Variants in MTCL2 observed in about 807,000 individuals in gnomAD.
MTCL2 encodes the protein microtubule crosslinking factor 2, also known as microtubule cross-linking factor 2.
chr20:36,858,463 A>AACAC, the MTCL2 span, among the ~76,000 whole-genome samples: 10 of 25,778 alleles, frequency 3.9e-4, no homozygotes, highest in Admixed American at 1.4e-3. Flanking sequence ...AAGGAGGGAA[A>AACAC]ACACACACAC....
the MTCL2 span, among the ~76,000 whole-genome samples, chr20:36,827,682 A>C: frequency 1.3e-5 from 2 of 152,042 alleles, no homozygotes; most frequent in Admixed American, 6.6e-5. Flanking sequence ...AGAAACTGAG[A>C]CTTAGAGAGG....
the MTCL2 span, chr20:36,859,970 A>C: frequency 8.5e-7 from 1 of 1,182,632 alleles, no homozygotes; most frequent in Non-Finnish European, 1.1e-6. Context: ...GGAATAAACA[A>C]CACAACACCT....
chr20:36,862,903 C>A, the MTCL2 span: 1 of 1,265,610 alleles, frequency 7.9e-7, no homozygotes, highest in South Asian at 2.2e-5. Context: ...GGGCCCCCGG[C>A]CGCGGACTCG....
chr20:36,856,103 C>T, the MTCL2 span, among the ~76,000 whole-genome samples: 1 of 152,222 alleles, frequency 6.6e-6, no homozygotes, highest in Non-Finnish European at 1.5e-5. Context: ...TCCCTGCCAG[C>T]TCCCACCACT....
At chr20:36,856,141 T>C in the MTCL2 span, among the ~76,000 whole-genome samples, 1 of 152,214 alleles carries the variant, frequency 6.6e-6, no homozygotes, top group Admixed American at 6.5e-5. Flanking sequence ...TTCAAGCCTG[T>C]GGTCCACCTC....
the MTCL2 span, chr20:36,863,005 G>A: frequency 7.1e-7 from 1 of 1,402,784 alleles, no homozygotes; most frequent in African/African-American, 1.5e-5. The surrounding 1 kb of genome is among the most constrained non-coding windows in gnomAD (Gnocchi z 6.2). Context: ...GTGAGGCTGG[G>A]GGGCGGCGGT....
the MTCL2 span, chr20:36,796,801 G>A: frequency 7.2e-7 from 1 of 1,380,274 alleles, no homozygotes; most frequent in Non-Finnish European, 1.0e-6. Context: ...TAGAGTGGGT[G>A]CAGGGCGCAG....
the MTCL2 span, among the ~76,000 whole-genome samples, chr20:36,837,299 G>C: frequency 6.6e-6 from 1 of 152,150 alleles, no homozygotes; most frequent in East Asian, 1.9e-4. Context: ...CAGAGCTTCC[G>C]AAGACAGGCA....
At chr20:36,826,487 C>A in the MTCL2 span, among the ~76,000 whole-genome samples, 1 of 149,910 alleles carries the variant, frequency 6.7e-6, no homozygotes, top group South Asian at 2.1e-4. Context: ...AAGTGATCCT[C>A]CCACCTCAAC....
the MTCL2 span, among the ~76,000 whole-genome samples, chr20:36,826,592 G>C: frequency 6.6e-6 from 1 of 151,484 alleles, no homozygotes; most frequent in Non-Finnish European, 1.5e-5. Flanking sequence ...TGCTCAGGCT[G>C]GTCTTGAACT....
chr20:36,782,590 A>G, the MTCL2 span: 1 of 152,282 alleles, frequency 6.6e-6, no homozygotes, highest in South Asian at 2.1e-4. Flanking sequence ...GCTGGAGTGC[A>G]GTGGCGCAAT....
chr20:36,847,529 C>T, the MTCL2 span, among the ~76,000 whole-genome samples: 4 of 152,116 alleles, frequency 2.6e-5, no homozygotes, highest in Non-Finnish European at 4.4e-5. Flanking sequence ...AGGTACCTGT[C>T]ACTGTCTATG....
the MTCL2 span, chr20:36,784,018 CA>C: frequency 2.0e-6 from 2 of 985,612 alleles, no homozygotes; most frequent in Non-Finnish European, 2.4e-6. Flanking sequence ...GCTGAGACAA[CA>C]AAGATGGCAA....
At chr20:36,826,363 T>C in the MTCL2 span, among the ~76,000 whole-genome samples, 4 of 19,274 alleles carry the variant, frequency 2.1e-4, no homozygotes, top group Admixed American at 1.8e-3. Context: ...CCCCTCCCCC[T>C]CCCCCCTCCC....
the MTCL2 span, among the ~76,000 whole-genome samples, chr20:36,837,255 G>A: frequency 1.3e-5 from 2 of 152,160 alleles, no homozygotes; most frequent in African/African-American, 4.8e-5. Flanking sequence ...GCAGAGGGCC[G>A]GGCCTGGGGG....
chr20:36,858,610 T>G, the MTCL2 span, among the ~76,000 whole-genome samples: 1 of 152,016 alleles, frequency 6.6e-6, no homozygotes, highest in Non-Finnish European at 1.5e-5. Flanking sequence ...TCCACCCTCC[T>G]GCATTCTCCC....
chr20:36,786,949 G>A, the MTCL2 span, among the ~76,000 whole-genome samples: 1 of 152,020 alleles, frequency 6.6e-6, no homozygotes, highest in East Asian at 1.9e-4. Flanking sequence ...TGTAAAACAC[G>A]AACACTTTTC....
the MTCL2 span, among the ~76,000 whole-genome samples, chr20:36,848,767 T>A: frequency 2.6e-5 from 4 of 152,130 alleles, no homozygotes; most frequent in Non-Finnish European, 5.9e-5. Flanking sequence ...AATCACATCT[T>A]CCTTTTCACT....
the MTCL2 span, among the ~76,000 whole-genome samples, chr20:36,836,505 C>T: frequency 3.9e-5 from 6 of 151,972 alleles, no homozygotes; most frequent in Admixed American, 6.6e-5. Context: ...CCACCACACC[C>T]GGCTCATTTT....
Sources: allele counts gnomAD v4.1 joint callset (sites outside exome capture counted in the v4.1 genomes callset), GRCh38; gene constraint gnomAD v4.1.1; non-coding constraint Gnocchi (gnomAD v3.1); transcripts MANE v1.5; gene names NCBI Gene and HGNC (gene_info 2026-07-23, HGNC 2026-07-21).